Variants in CYSLTR2 observed in about 807,000 individuals in gnomAD.
The protein encoded by CYSLTR2 is cysteinyl leukotriene receptor 2, also known as G-protein coupled receptor GPCR21.
For synonymous variants in CYSLTR2, 179 were observed against 160.8 expected, an observed-to-expected ratio of 1.11 and a Z score of -0.86; for missense variants, 398 against 411.9, an observed-to-expected ratio of 0.97 and a Z score of 0.29.
chr13:48,686,616 C>G (rs1362393149), intron 1 of CYSLTR2, among the ~76,000 whole-genome samples: 1 of 152,306 alleles, frequency 6.6e-6, no homozygotes, highest in East Asian at 1.9e-4. Flanking sequence ...TTTCCTCCCA[C>G]AGTCATGGGC....
chr13:48,692,753 G>T (rs955101000), intron 2 of CYSLTR2, among the ~76,000 whole-genome samples: 22 of 151,072 alleles, frequency 1.5e-4, no homozygotes, highest in Non-Finnish European at 3.3e-4. Flanking sequence ...GAGAAAACAT[G>T]ATTTACTTAG....
intron 1 of CYSLTR2, among the ~76,000 whole-genome samples, chr13:48,666,326 A>G (rs1343135684): frequency 6.6e-6 from 1 of 151,952 alleles, no homozygotes; most frequent in Non-Finnish European, 1.5e-5. Flanking sequence ...CTGCTTTTAA[A>G]ATTTTTTCTT....
chr13:48,669,994 A>G (rs1452352380), intron 1 of CYSLTR2, among the ~76,000 whole-genome samples: 4 of 152,226 alleles, frequency 2.6e-5, no homozygotes, highest in Admixed American at 1.3e-4. Flanking sequence ...ATAGTATCTC[A>G]TTGTGGTTTT....
At chr13:48,687,057 C>T (rs1310777161) in intron 1 of CYSLTR2, among the ~76,000 whole-genome samples, 1 of 152,112 alleles carries the variant, frequency 6.6e-6, no homozygotes, top group Admixed American at 6.6e-5. Flanking sequence ...GGGATTTGCT[C>T]TCTTGCTCCT....
chr13:48,671,150 G>A (rs568707469), intron 1 of CYSLTR2, among the ~76,000 whole-genome samples: 1 of 152,266 alleles, frequency 6.6e-6, no homozygotes, highest in East Asian at 1.9e-4. Flanking sequence ...TTTGCTGAAG[G>A]TGCTTATCAG....
intron 4 of CYSLTR2, among the ~76,000 whole-genome samples, chr13:48,699,969 A>C (rs1288753276): frequency 6.6e-6 from 1 of 152,150 alleles, no homozygotes; most frequent in Non-Finnish European, 1.5e-5. Flanking sequence ...ACTAAATCAG[A>C]AAGAAGTTGA....
chr13:48,678,197 T>G (rs112228119), intron 1 of CYSLTR2, among the ~76,000 whole-genome samples: 1 of 151,984 alleles, frequency 6.6e-6, no homozygotes, highest in Non-Finnish European at 1.5e-5. Context: ...TTAGTAGAGA[T>G]GAGGTTTCAC....
At chr13:48,699,631 A>G (rs187700180) in intron 4 of CYSLTR2, among the ~76,000 whole-genome samples, 3 of 152,192 alleles carry the variant, frequency 2.0e-5, no homozygotes, top group African/African-American at 7.2e-5. Context: ...GAGCAAACAC[A>G]TTCAAAAGCT....
At chr13:48,655,956 ATGT>A (rs1449093568) in intron 1 of CYSLTR2, among the ~76,000 whole-genome samples, 5 of 152,224 alleles carry the variant, frequency 3.3e-5, no homozygotes, top group African/African-American at 9.6e-5. Context: ...GATGACATTG[ATGT>A]TGTTAGTTGG....
At chr13:48,696,231 T>C (rs2138962714) in intron 3 of CYSLTR2, among the ~76,000 whole-genome samples, 1 of 152,360 alleles carries the variant, frequency 6.6e-6, no homozygotes, top group South Asian at 2.1e-4. Flanking sequence ...CATTTTCTAA[T>C]TGGAGTTTTT....
At chr13:48,690,187 G>A (rs1316972650) in intron 1 of CYSLTR2, among the ~76,000 whole-genome samples, 2 of 152,158 alleles carry the variant, frequency 1.3e-5, no homozygotes, top group Non-Finnish European at 2.9e-5. Flanking sequence ...ATACAGTCAT[G>A]TCATCTGCAA....
chr13:48,678,746 T>C (rs1432410323), intron 1 of CYSLTR2, among the ~76,000 whole-genome samples: 2 of 152,180 alleles, frequency 1.3e-5, no homozygotes, highest in Non-Finnish European at 2.9e-5. Context: ...AAGGCACCAC[T>C]TCCTTCCCCT....
At chr13:48,695,958 T>C (rs1327590900) in intron 3 of CYSLTR2, among the ~76,000 whole-genome samples, 1 of 152,248 alleles carries the variant, frequency 6.6e-6, no homozygotes, top group African/African-American at 2.4e-5. Flanking sequence ...GGTAGTTGCA[T>C]GTATAGTTTT....
At chr13:48,705,661 C>T (rs190897196) in intron 4 of CYSLTR2, among the ~76,000 whole-genome samples, 428 of 149,304 alleles carry the variant, frequency 2.9e-3, no homozygotes, top group African/African-American at 9.8e-3. Flanking sequence ...AGTCTATTAG[C>T]ATCATCATTC....
intron 1 of CYSLTR2, among the ~76,000 whole-genome samples, chr13:48,685,261 C>T (rs1171383895): frequency 1.6e-5 from 1 of 62,500 alleles, no homozygotes; most frequent in African/African-American, 3.6e-5. Flanking sequence ...CACTTTTAAA[C>T]ACTCACGAGA....
At chr13:48,670,317 A>G (rs1953390189) in intron 1 of CYSLTR2, among the ~76,000 whole-genome samples, 1 of 152,108 alleles carries the variant, frequency 6.6e-6, no homozygotes. Context: ...TTTTGTTGCC[A>G]TTGCTTTTGG....
At chr13:48,696,170 G>T (rs141779546) in intron 3 of CYSLTR2, among the ~76,000 whole-genome samples, 32 of 152,182 alleles carry the variant, frequency 2.1e-4, no homozygotes, top group Admixed American at 1.6e-3. Flanking sequence ...TTTTTTATGT[G>T]CTTATATGCT....
rs546388315 is a variant in CYSLTR2, at chr13:48,708,728, G to A, written c.*870G>A. The A allele has an allele frequency of 6.0e-6, 1 of 167,042 alleles. No homozygotes were observed. The highest frequency in any genetic ancestry group is 1.9e-4 in the East Asian group (1 of 5,196). 10.3% of individuals were successfully genotyped at this position (167,042 alleles called of 1,614,324 possible). On this transcript the variant is annotated 3_prime_UTR_variant, in exon 5 of 5. Transcript: ENST00000682523. ...ATAAAAGAGGTGCCTCTGAGGATTA[G>A]GGTTGAGCACTCAAGGGAAAGATGG...
chr13:48,702,435 C>T (rs1473279773), intron 4 of CYSLTR2, among the ~76,000 whole-genome samples: 1 of 152,082 alleles, frequency 6.6e-6, no homozygotes, highest in East Asian at 1.9e-4. Context: ...ACTTTACATT[C>T]TACATGAAGT....
Sources: gnomAD v4.1 joint callset for allele counts (sites outside exome capture counted in the v4.1 genomes callset) on GRCh38, gnomAD v4.1.1 for gene constraint, MANE v1.5 for transcripts, NCBI Gene and HGNC (gene_info 2026-07-23, HGNC 2026-07-21) for gene names.